MYRIP: variants seen among roughly 807,000 people sequenced by gnomAD.
MYRIP encodes myosin VIIA and Rab interacting protein, also known as rab effector MyRIP.
A neutral mutation model predicts 98.0 loss-of-function variants in MYRIP; 49 were observed. That is an observed-to-expected ratio of 0.50 (90% CI 0.40 to 0.63). The LOEUF (loss-of-function observed/expected upper bound fraction) is 0.63, where lower values mean the gene tolerates loss of function less well. Ranked by LOEUF, MYRIP falls within the 30% of genes least tolerant of loss-of-function variation. The pLI is 0.00. For synonymous variants in MYRIP, 404 were observed against 409.5 expected, an observed-to-expected ratio of 0.99 and a Z score of 0.16; for missense variants, 1,004 against 1,058.2, an observed-to-expected ratio of 0.95 and a Z score of 0.71.
At chr3:39,921,748 G>A (rs1944308802) in intron 2 of MYRIP, among the ~76,000 whole-genome samples, 1 of 152,052 alleles carries the variant, frequency 6.6e-6, no homozygotes, top group Non-Finnish European at 1.5e-5. Flanking sequence ...GGGTGTGGTG[G>A]CACATGCCTG....
chr3:39,989,884 G>A (rs943691179), intron 2 of MYRIP, among the ~76,000 whole-genome samples: 1 of 152,226 alleles, frequency 6.6e-6, no homozygotes, highest in African/African-American at 2.4e-5. Context: ...AGCCTGGCCT[G>A]GAGCTATAGA....
chr3:39,845,377 A>G (rs375122164), intron 1 of MYRIP, among the ~76,000 whole-genome samples: 2 of 152,204 alleles, frequency 1.3e-5, no homozygotes, highest in African/African-American at 2.4e-5. Flanking sequence ...AATACCCCTC[A>G]TTTGGGAATT....
intron 2 of MYRIP, among the ~76,000 whole-genome samples, chr3:39,994,235 C>T (rs1334298963): frequency 7.2e-5 from 11 of 152,216 alleles, no homozygotes; most frequent in Admixed American, 3.9e-4. Context: ...CGAAGCAGGG[C>T]GAGGCATCGC....
intron 2 of MYRIP, among the ~76,000 whole-genome samples, chr3:40,023,676 C>G (rs1300476955): frequency 6.6e-6 from 1 of 152,134 alleles, no homozygotes; most frequent in Non-Finnish European, 1.5e-5. Context: ...AGAGCCTAAC[C>G]AACAACAGCA....
chr3:40,045,150 C>T (rs1334748076), intron 3 of MYRIP, among the ~76,000 whole-genome samples: 1 of 152,126 alleles, frequency 6.6e-6, no homozygotes, highest in Admixed American at 6.6e-5. Context: ...TTCTTTCCTC[C>T]TTTCTCCTCT....
chr3:40,116,952 G>C (rs535605805), intron 3 of MYRIP, among the ~76,000 whole-genome samples: 7 of 152,236 alleles, frequency 4.6e-5, no homozygotes, highest in African/African-American at 1.7e-4. Flanking sequence ...TTTGGAATGA[G>C]TGGAGGCCCA....
At chr3:40,133,508 T>C (rs933876690) in intron 3 of MYRIP, among the ~76,000 whole-genome samples, 2 of 152,210 alleles carry the variant, frequency 1.3e-5, no homozygotes, top group African/African-American at 4.8e-5. Context: ...TAAAGATTTA[T>C]GCTTAGAGAA....
At chr3:39,898,521 C>T (rs1943668795) in intron 1 of MYRIP, among the ~76,000 whole-genome samples, 1 of 152,072 alleles carries the variant, frequency 6.6e-6, no homozygotes, top group African/African-American at 2.4e-5. Flanking sequence ...GGGCAGGGAA[C>T]TCTGGACATC....
chr3:40,080,944 A>G (rs1948467249), intron 3 of MYRIP, among the ~76,000 whole-genome samples: 1 of 151,724 alleles, frequency 6.6e-6, no homozygotes, highest in African/African-American at 2.4e-5. Context: ...CATAGTAACT[A>G]GATGTAGTCT....
At chr3:40,225,612 C>A (rs1376375165) in intron 11 of MYRIP, among the ~76,000 whole-genome samples, 1 of 152,214 alleles carries the variant, frequency 6.6e-6, no homozygotes, top group Non-Finnish European at 1.5e-5. Flanking sequence ...ACATCTTCTT[C>A]ACTGAGCCAC....
intron 2 of MYRIP, among the ~76,000 whole-genome samples, chr3:39,930,242 C>A (rs1295057905): frequency 6.6e-6 from 1 of 152,016 alleles, no homozygotes; most frequent in Non-Finnish European, 1.5e-5. Context: ...TTGAGCACAG[C>A]CATCCTGGTG....
At chr3:39,914,191 T>G (rs1481837850) in intron 2 of MYRIP, among the ~76,000 whole-genome samples, 1 of 152,126 alleles carries the variant, frequency 6.6e-6, no homozygotes, top group East Asian at 1.9e-4. Flanking sequence ...CAGTACAATA[T>G]CTTTAACTGA....
intron 2 of MYRIP, among the ~76,000 whole-genome samples, chr3:39,995,795 G>A (rs1440453026): frequency 6.6e-6 from 1 of 152,158 alleles, no homozygotes. Flanking sequence ...AGAAAGGTCG[G>A]GTTACCCACA....
chr3:39,937,224 C>A (rs146782879), intron 2 of MYRIP, among the ~76,000 whole-genome samples: 2 of 152,312 alleles, frequency 1.3e-5, no homozygotes, highest in African/African-American at 4.8e-5. Flanking sequence ...TAGGGATGAC[C>A]TGTCTGAGAC....
chr3:40,098,936 T>TGC lies in MYRIP; in HGVS notation c.333-52111_333-52110insCG, dbSNP rs201638324. Among the ~76,000 whole-genome samples the TGC allele has an allele frequency of 6.0e-3, 911 of 152,218 alleles. 7 individuals are homozygous for TGC. The highest frequency in any genetic ancestry group is 0.02 in the African/African-American group (843 of 41,512). On this transcript the variant is annotated intron_variant, in intron 3 of 16. Transcript: ENST00000302541. ...ATGTGTGTGCGTGTGTGTGTGTGTG[T>TGC]GTGTACATTTGATTAGGAATTTCAA...
At chr3:40,127,821 C>A (rs373505731) in intron 3 of MYRIP, among the ~76,000 whole-genome samples, 7 of 152,300 alleles carry the variant, frequency 4.6e-5, no homozygotes, top group African/African-American at 1.7e-4. Context: ...GCAGCTACAC[C>A]TTTTCTGTGG....
At chr3:40,062,738 T>C (rs1408795712) in intron 3 of MYRIP, among the ~76,000 whole-genome samples, 1 of 152,210 alleles carries the variant, frequency 6.6e-6, no homozygotes, top group Non-Finnish European at 1.5e-5. Flanking sequence ...TAAATATAAT[T>C]GCCTGTTCAT....
At chr3:40,030,339 A>G (rs1256551419) in intron 2 of MYRIP, among the ~76,000 whole-genome samples, 1 of 152,112 alleles carries the variant, frequency 6.6e-6, no homozygotes, top group East Asian at 1.9e-4. Context: ...AATGCAGACA[A>G]TTACAAGTAT....
chr3:40,049,701 G>A (rs1189505691), intron 3 of MYRIP, among the ~76,000 whole-genome samples: 1 of 152,032 alleles, frequency 6.6e-6, no homozygotes, highest in Non-Finnish European at 1.5e-5. Flanking sequence ...AGTGAGGAAG[G>A]CATATTGAGA....
Sources: allele counts gnomAD v4.1 joint callset (sites outside exome capture counted in the v4.1 genomes callset), GRCh38; gene constraint gnomAD v4.1.1; transcripts MANE v1.5; gene names NCBI Gene and HGNC (gene_info 2026-07-23, HGNC 2026-07-21).